The following GLIS2 variants were observed in gnomAD, a reference collection of about 807,000 sequenced individuals.
The protein encoded by GLIS2 is zinc finger protein GLIS2.
A neutral mutation model predicts 35.6 loss-of-function variants in GLIS2; 14 were observed. That is an observed-to-expected ratio of 0.39 (90% CI 0.26 to 0.61). GLIS2 has a LOEUF of 0.61. Ranked by LOEUF, GLIS2 falls within the 20% of genes least tolerant of loss-of-function variation. The pLI, the probability that GLIS2 is intolerant of heterozygous loss-of-function variation, is 0.48. For missense variants in GLIS2, 675 were observed against 713.4 expected (o/e 0.95, Z 0.61); for synonymous variants, 368 against 325.1 (o/e 1.13, Z -1.42).
intron 1 of GLIS2, among the ~76,000 whole-genome samples, chr16:4,319,556 C>T (rs2053352930): frequency 6.6e-6 from 1 of 152,162 alleles, no homozygotes; most frequent in Non-Finnish European, 1.5e-5. Flanking sequence ...GGGACCACAG[C>T]CCTAGCGAGT....
chr16:4,318,684 CCCACTCTCCCCT>C (rs1011813662), intron 1 of GLIS2, among the ~76,000 whole-genome samples: 4 of 152,222 alleles, frequency 2.6e-5, no homozygotes, highest in Non-Finnish European at 5.9e-5. Context: ...TTCCAAGGCC[CCCACTCTCCCCT>C]CCACCCTCCT....
chr16:4,317,425 G>T (rs547047865), intron 1 of GLIS2, among the ~76,000 whole-genome samples: 1 of 152,136 alleles, frequency 6.6e-6, no homozygotes, highest in African/African-American at 2.4e-5. Context: ...GCCAGCCTGC[G>T]GCTGGGGAGG....
At chr16:4,326,034 C>G (rs1230946918) in intron 1 of GLIS2, among the ~76,000 whole-genome samples, 2 of 149,856 alleles carry the variant, frequency 1.3e-5, no homozygotes, top group Admixed American at 6.7e-5. Context: ...GTCAGGATAT[C>G]GAGACCATCC....
At chr16:4,323,965 C>G (rs2053404227) in intron 1 of GLIS2, among the ~76,000 whole-genome samples, 1 of 152,206 alleles carries the variant, frequency 6.6e-6, no homozygotes, top group Non-Finnish European at 1.5e-5. Flanking sequence ...AGGGGTGGCA[C>G]AGGGGGCTGT....
At chr16:4,317,829 T>C (rs2053331115) in intron 1 of GLIS2, among the ~76,000 whole-genome samples, 1 of 152,134 alleles carries the variant, frequency 6.6e-6, no homozygotes, top group African/African-American at 2.4e-5. Flanking sequence ...TGCGGACCCC[T>C]TGGAAGCAAC....
chr16:4,337,562 C>T lies in GLIS2; in HGVS notation c.*38C>T, dbSNP rs568559647. On this transcript the variant is annotated 3_prime_UTR_variant, in exon 7 of 7. Coordinates refer to ENST00000433375, the MANE Select transcript of GLIS2 (RefSeq NM_032575.3). ...GACAGTTGTGGTGCCCCCCCGGCAG[C>T]TCCCGGCACTGCCCCCGACGAACGG... The T allele has an allele frequency of 6.5e-6, 10 of 1,539,374 alleles. No homozygotes were observed. The South Asian group carries it at 1.1e-4, about 16-fold the overall frequency.
chr16:4,323,389 A>AC (rs1014377934), intron 1 of GLIS2, among the ~76,000 whole-genome samples: 3 of 151,712 alleles, frequency 2.0e-5, no homozygotes, highest in Non-Finnish European at 2.9e-5. Context: ...AGCTCCAAGC[A>AC]CCCCCCCAAA....
intron 1 of GLIS2, chr16:4,331,914 C>A (rs1033648839): frequency 3.2e-5 from 12 of 374,720 alleles, no homozygotes; most frequent in Admixed American, 2.9e-4. Flanking sequence ...GTGCCACTTG[C>A]ACTCCAGCCT....
intron 1 of GLIS2, among the ~76,000 whole-genome samples, chr16:4,329,997 T>A (rs563253246): frequency 6.6e-6 from 1 of 152,194 alleles, no homozygotes; most frequent in Non-Finnish European, 1.5e-5. Flanking sequence ...TTACACCAGG[T>A]GGGGCGAGGT....
In GLIS2 at chr16:4,338,900, G is replaced by A. The variant is rs2053592875; in HGVS notation, c.*1376G>A. The stretch of plus-strand genomic sequence containing the variant: ...GCTCCCTCTCCCACCTGGCAGCTGG[G>A]AGTTCTGGCTTCTAGGCCTGCCCTG... On this transcript the variant is annotated 3_prime_UTR_variant, in exon 7 of 7. Coordinates refer to ENST00000433375, the MANE Select transcript of GLIS2 (RefSeq NM_032575.3). 6.6e-6 allele frequency: 1 copy of A among 152,346 alleles called. No individual in the cohort carries two copies. Among genetic ancestry groups the A allele is most frequent in the African/African-American group, 2.4e-5 (1 of 41,470 alleles). 9.4% of individuals were successfully genotyped at this position (152,346 alleles called of 1,614,324 possible). A position where few individuals can be genotyped will look rare whatever the true frequency, so the allele number is the denominator to read the frequency against.
chr16:4,324,154 G>T (rs2053406397), intron 1 of GLIS2, among the ~76,000 whole-genome samples: 1 of 152,196 alleles, frequency 6.6e-6, no homozygotes, highest in Non-Finnish European at 1.5e-5. Flanking sequence ...CCTCCCAAAA[G>T]GTCCGGGGGT....
At chr16:4,323,330 G>T (rs1429920175) in intron 1 of GLIS2, among the ~76,000 whole-genome samples, 1 of 152,216 alleles carries the variant, frequency 6.6e-6, no homozygotes, top group African/African-American at 2.4e-5. Flanking sequence ...TGTGGGGGCT[G>T]CGGGGCGGGC....
chr16:4,320,780 C>T lies in GLIS2; in HGVS notation c.-67+4526C>T, dbSNP rs537172233. On this transcript the variant is annotated intron_variant, in intron 1 of 6. Coordinates refer to ENST00000433375, the MANE Select transcript of GLIS2 (RefSeq NM_032575.3). The surrounding 1 kb of genome is among the most constrained non-coding windows in gnomAD (Gnocchi z 5.6). Reference sequence around the variant, plus strand: ...TCTGAGCTGGGATGTCCCCTCCCCGCAAGGCTGTAGGGGCCTCCATTGTCC... The same window carrying T: ...TCTGAGCTGGGATGTCCCCTCCCCGTAAGGCTGTAGGGGCCTCCATTGTCC... Among the ~76,000 whole-genome samples, 1 of 152,268 alleles carries T rather than the reference C, an allele frequency of 6.6e-6. No homozygotes were observed. The highest frequency in any genetic ancestry group is 1.9e-4 in the East Asian group (1 of 5,162).
At position 4,332,370 on chromosome 16, in the gene GLIS2, G is replaced by A. The variant is rs1169925306; in HGVS notation, c.90G>A (p.Val30=). ...AGAAGCGGGAGAGGACGCTGGGTGT[G>A]GTCCGGCCCCGTGCTCTGCACAGGG... ...AREKRERTLG[V]VRPRALHREL... Residue 30 remains valine (V), a synonymous_variant, in exon 2 of 7, where the codon GTG becomes GTA. Transcript: ENST00000433375. The surrounding 1 kb of genome is among the most constrained non-coding windows in gnomAD (Gnocchi z 5.4). 1 of 1,613,084 alleles carries A rather than the reference G, an allele frequency of 6.2e-7. No individual in the cohort carries two copies. Among genetic ancestry groups the A allele is most frequent in the Non-Finnish European group, 8.5e-7 (1 of 1,180,020 alleles).
chr16:4,335,029 A>G lies in GLIS2; in HGVS notation c.523-31A>G, dbSNP rs200576199. On this transcript the variant is annotated intron_variant, in intron 4 of 6. Transcript: ENST00000433375. The surrounding 1 kb of genome is among the most constrained non-coding windows in gnomAD (Gnocchi z 4.6). The stretch of plus-strand genomic sequence containing the variant: ...TGGAGTCTGGGGCAGGTCACCCCGC[A>G]TGGGCTCAGAACACTTCCCATCCTC... 15 of 1,613,270 alleles carry G rather than the reference A, an allele frequency of 9.3e-6. No homozygotes were observed. Among genetic ancestry groups the G allele is most frequent in the Admixed American group, 1.7e-5 (1 of 60,026 alleles).
upstream of GLIS2, among the ~76,000 whole-genome samples, chr16:4,315,634 CT>C (rs1292868582): frequency 4.6e-5 from 7 of 151,016 alleles, no homozygotes; most frequent in African/African-American, 1.7e-4. Flanking sequence ...CGGCCGTGTC[CT>C]AGCGCTGCCC....
chr16:4,323,025 T>C (rs1448182979), intron 1 of GLIS2, among the ~76,000 whole-genome samples: 1 of 152,244 alleles, frequency 6.6e-6, no homozygotes, highest in Non-Finnish European at 1.5e-5. Flanking sequence ...AAGGGGTTAC[T>C]GTGATGTCCT....
chr16:4,330,793 GC>G (rs911881991), intron 1 of GLIS2, among the ~76,000 whole-genome samples: 3 of 152,170 alleles, frequency 2.0e-5, no homozygotes, highest in Non-Finnish European at 4.4e-5. Flanking sequence ...TTGGGAACAG[GC>G]CCCCCAAAAT....
intron 1 of GLIS2, among the ~76,000 whole-genome samples, chr16:4,319,078 G>A (rs1018740506): frequency 6.6e-6 from 1 of 152,134 alleles, no homozygotes; most frequent in African/African-American, 2.4e-5. Context: ...CTAAGGGGAG[G>A]CCCAGGGGTC....
Sources: allele counts gnomAD v4.1 joint callset (sites outside exome capture counted in the v4.1 genomes callset), GRCh38; gene constraint gnomAD v4.1.1; non-coding constraint Gnocchi (gnomAD v3.1); transcripts MANE v1.5; gene names NCBI Gene and HGNC (gene_info 2026-07-23, HGNC 2026-07-21).